ANKRD30A: variants seen among roughly 807,000 people sequenced by gnomAD.
ANKRD30A encodes ankyrin repeat domain-containing protein 30A.
Under a neutral mutation model 166.3 loss-of-function variants are expected in ANKRD30A, and 170 were observed. The ratio of observed to expected loss-of-function variants is 1.02; its 90% CI spans 0.90 to 1.16. The LOEUF (loss-of-function observed/expected upper bound fraction) is 1.16, where lower values mean the gene tolerates loss of function less well. ANKRD30A is among the 50% of genes most tolerant of loss of function. ANKRD30A has a pLI of 0.00. For missense variants in ANKRD30A, 1,630 were observed against 1,518.0 expected (o/e 1.07, Z -1.23); for synonymous variants, 564 against 508.9 (o/e 1.11, Z -1.46).
At chr10:37,254,249 A>T in the ANKRD30A span, among the ~76,000 whole-genome samples, 6 of 152,190 alleles carry the variant, frequency 3.9e-5, no homozygotes, top group Non-Finnish European at 8.8e-5. Flanking sequence ...TGGAATTGCT[A>T]GGTCATAAGC....
chr10:37,126,847 A>T (rs1836051414), intron 1 of ANKRD30A, among the ~76,000 whole-genome samples: 1 of 152,210 alleles, frequency 6.6e-6, no homozygotes, highest in Middle Eastern at 3.4e-3. Flanking sequence ...CAGGAGTTCA[A>T]GATCAGCCTG....
At chr10:37,251,372 A>G in the ANKRD30A span, among the ~76,000 whole-genome samples, 2 of 152,196 alleles carry the variant, frequency 1.3e-5, no homozygotes, top group Admixed American at 6.5e-5. Flanking sequence ...AAAAAAGCAT[A>G]GAAACATGGC....
At chr10:37,149,080 G>C (rs1340130884) in intron 9 of ANKRD30A, among the ~76,000 whole-genome samples, 1 of 151,940 alleles carries the variant, frequency 6.6e-6, no homozygotes, top group Non-Finnish European at 1.5e-5. Context: ...AGTGGATCAA[G>C]AAGCATTCAG....
At chr10:37,143,183 T>C (rs1000625878) in intron 7 of ANKRD30A, among the ~76,000 whole-genome samples, 1 of 152,210 alleles carries the variant, frequency 6.6e-6, no homozygotes, top group Non-Finnish European at 1.5e-5. Flanking sequence ...AAACTTGTGT[T>C]TCTGCAGCAA....
the ANKRD30A span, among the ~76,000 whole-genome samples, chr10:37,246,720 G>C: frequency 5.3e-5 from 8 of 152,204 alleles, no homozygotes; most frequent in South Asian, 4.1e-4. Context: ...AGATATAGAG[G>C]CATTAAGGAT....
chr10:37,153,797 G>A (rs1402624082), intron 13 of ANKRD30A, 135 bp downstream of exon 13: 36 of 1,263,682 alleles, frequency 2.8e-5, no homozygotes, highest in South Asian at 4.1e-5. Flanking sequence ...TGCAATGGTC[G>A]TAAGTTGTAT....
Position 37,132,289 on chromosome 10 carries a change from T to C in ANKRD30A, c.560T>C (p.Ile187Thr). Residue 187 changes from isoleucine to threonine, a missense_variant, in exon 4 of 36, where the codon ATT becomes ACT. Around this residue, in one of 4 missense-constraint regions of ANKRD30A, gnomAD observed 904 missense variants for 818.5 expected, o/e 1.10. Coordinates refer to ENST00000361713, the MANE Select transcript of ANKRD30A (RefSeq NM_052997.3). ...TCCATAACGAAAAGAAGTGAGCAAA[T>C]TGTGGAATTTTTGCTGATAAAAAAT... ...LLSITKRSEQ[I>T]VEFLLIKNAN... 1.2e-6 allele frequency: 2 copies of C among 1,607,080 alleles called. No individual in the cohort carries two copies. Among genetic ancestry groups the C allele is most frequent in the Middle Eastern group, 1.7e-4 (1 of 6,032 alleles).
At chr10:37,232,908 C>A (rs948627621), downstream of ANKRD30A, among the ~76,000 whole-genome samples, 226 of 129,012 alleles carry the variant, frequency 1.8e-3, no homozygotes, top group African/African-American at 5.0e-3. Context: ...AAAAAAAAAA[C>A]AAAATAAATT....
In ANKRD30A at chr10:37,165,153, G is replaced by C. The variant is rs1429826387; in HGVS notation, c.2062G>C (p.Glu688Gln). The change falls in exon 18 of 36, where the codon GAG becomes CAG. Residue 688 changes from glutamate to glutamine, a missense_variant and splice_region_variant. Glu to Gln is a conservative substitution (Grantham distance 29, BLOSUM62 2). Transcript: ENST00000361713. Reference sequence around the variant, plus strand: ...CTATGAAGAAAATTCTTGGGATACTGAGGTACTGTGTGTTGTTGATTTTTT... The same window carrying C: ...CTATGAAGAAAATTCTTGGGATACTCAGGTACTGTGTGTTGTTGATTTTTT... ...KDYEENSWDT[E>Q]SLCETVSQKD... 15 of 1,606,420 alleles carry C rather than the reference G, an allele frequency of 9.3e-6. No individual in the cohort carries two copies. Among genetic ancestry groups the C allele is most frequent in the Non-Finnish European group, 1.3e-5 (15 of 1,173,506 alleles).
intron 27 of ANKRD30A, among the ~76,000 whole-genome samples, chr10:37,196,775 G>GA (rs1841162135): frequency 6.6e-6 from 1 of 151,946 alleles, no homozygotes; most frequent in Non-Finnish European, 1.5e-5. Context: ...TATGGTTATG[G>GA]AAAAAAATGA....
At chr10:37,144,926 T>A in intron 7 of ANKRD30A, 69 bp from the exon 8 acceptor site, 1 of 1,173,546 alleles carries the variant, frequency 8.5e-7, no homozygotes, top group East Asian at 2.6e-5. Context: ...GAAAATAGAT[T>A]TGTATATGTT....
chr10:37,243,607 A>G, the ANKRD30A span, among the ~76,000 whole-genome samples: 3 of 152,094 alleles, frequency 2.0e-5, no homozygotes, highest in Non-Finnish European at 1.5e-5. Context: ...AACGTGGTCA[A>G]TAGGTCTTGG....
At chr10:37,179,292 T>C (rs1840014842) in intron 24 of ANKRD30A, among the ~76,000 whole-genome samples, 1 of 150,848 alleles carries the variant, frequency 6.6e-6, no homozygotes, top group African/African-American at 2.4e-5. Context: ...CGTAGGTATT[T>C]TACTGATTTT....
intron 13 of ANKRD30A, among the ~76,000 whole-genome samples, chr10:37,157,993 T>G (rs1484138618): frequency 6.6e-6 from 1 of 151,984 alleles, no homozygotes; most frequent in South Asian, 2.1e-4. Context: ...CTTAACAATA[T>G]GCCATAGCAT....
Position 37,219,117 on chromosome 10 carries a change from C to T in ANKRD30A, c.3405C>T (p.Asp1135=), listed in dbSNP as rs746545517. 5.0e-6 allele frequency: 8 copies of T among 1,609,650 alleles called. No individual in the cohort carries two copies. The Admixed American group carries it at 1.0e-4, about 20-fold the overall frequency. ...AAAAGGAAAATAAATACTTTGAGGA[C>T]ATTAAGATTTTAAAAGAAAAGAATG... ...YQEKENKYFE[D]IKILKEKNAE... is the part of the protein sequence containing the mutation. The change falls in exon 34 of 36, where the codon GAC becomes GAT. Residue 1135 remains aspartate, a synonymous_variant. Coordinates refer to ENST00000361713, the MANE Select transcript of ANKRD30A (RefSeq NM_052997.3).
intron 27 of ANKRD30A, among the ~76,000 whole-genome samples, chr10:37,196,495 C>T (rs187775797): frequency 9.2e-5 from 14 of 151,992 alleles, no homozygotes; most frequent in African/African-American, 2.9e-4. Flanking sequence ...CTGAACCAGA[C>T]GAATTGTAGG....
intron 31 of ANKRD30A, among the ~76,000 whole-genome samples, chr10:37,211,029 G>T (rs901949793): frequency 1.2e-4 from 19 of 152,034 alleles, no homozygotes; most frequent in African/African-American, 4.3e-4. Context: ...TTTTAGTCAT[G>T]AAGTCTTTCC....
intron 30 of ANKRD30A, among the ~76,000 whole-genome samples, chr10:37,200,722 A>G (rs969791017): frequency 2.0e-4 from 30 of 152,234 alleles, no homozygotes; most frequent in African/African-American, 7.0e-4. Flanking sequence ...CTTGTTTATC[A>G]AAATAAAGCA....
intron 32 of ANKRD30A, 120 bp downstream of exon 32, chr10:37,216,514 G>T: frequency 1.1e-6 from 1 of 930,154 alleles, no homozygotes. Flanking sequence ...TGTCTGTCTT[G>T]TAGAGTGTCA....
Sources: gnomAD v4.1 joint callset for allele counts (sites outside exome capture counted in the v4.1 genomes callset) on GRCh38, gnomAD v4.1.1 for gene constraint, gnomAD v4.1.1 regional missense constraint, MANE v1.5 for transcripts, NCBI Gene and HGNC (gene_info 2026-07-23, HGNC 2026-07-21) for gene names.